Variants in KCNIP3 observed in about 807,000 individuals in gnomAD.
KCNIP3 encodes potassium voltage-gated channel interacting protein 3.
A neutral mutation model predicts 35.0 loss-of-function variants in KCNIP3; 28 were observed. The observed-to-expected ratio is 0.80, with a 90% CI of 0.59 to 1.10. The LOEUF is 1.10. Among genes scored for constraint, KCNIP3 ranks in the 50% least tolerant of loss-of-function variants. KCNIP3 has a pLI of 0.00. For missense variants in KCNIP3, 295 were observed against 338.4 expected (o/e 0.87, Z 1.01); for synonymous variants, 134 against 133.8 (o/e 1.00, Z -0.01).
chr2:95,350,352 C>T (rs1286133929), intron 2 of KCNIP3, among the ~76,000 whole-genome samples: 1 of 152,138 alleles, frequency 6.6e-6, no homozygotes, highest in African/African-American at 2.4e-5. Context: ...GGTTTGTCTC[C>T]CCCAGCTGCG....
chr2:95,309,709 C>A (rs1293202377), intron 1 of KCNIP3, among the ~76,000 whole-genome samples: 1 of 152,140 alleles, frequency 6.6e-6, no homozygotes, highest in African/African-American at 2.4e-5. Flanking sequence ...CAGGCGTGAA[C>A]CACCACGCCC....
chr2:95,383,206 C>T (rs1376055493), intron 7 of KCNIP3, 26 bp from the exon 8 acceptor site: 8 of 1,571,954 alleles, frequency 5.1e-6, no homozygotes, highest in South Asian at 1.1e-5. Flanking sequence ...GGCACAGACT[C>T]ACTTTGGGCA....
intron 2 of KCNIP3, among the ~76,000 whole-genome samples, chr2:95,358,564 A>AACAGAATACC (rs1679715317): frequency 6.6e-6 from 1 of 152,214 alleles, no homozygotes; most frequent in Non-Finnish European, 1.5e-5. Context: ...CTGCTGCTAT[A>AACAGAATACC]ACAGAATACC....
intron 2 of KCNIP3, among the ~76,000 whole-genome samples, chr2:95,339,409 G>A (rs1019769475): frequency 5.3e-5 from 8 of 151,890 alleles, no homozygotes; most frequent in East Asian, 1.9e-4. Context: ...GTGAAACCCC[G>A]TCTCTACCAA....
At chr2:95,345,497 A>C (rs1679327942) in intron 2 of KCNIP3, among the ~76,000 whole-genome samples, 1 of 152,250 alleles carries the variant, frequency 6.6e-6, no homozygotes, top group Non-Finnish European at 1.5e-5. Context: ...CATCAGCTGA[A>C]TGAATGGCCG....
intron 2 of KCNIP3, among the ~76,000 whole-genome samples, chr2:95,341,042 C>T (rs561235399): frequency 9.2e-5 from 14 of 152,272 alleles, no homozygotes; most frequent in South Asian, 2.1e-4. Flanking sequence ...TCTGATTCAA[C>T]GGTGGTATGG....
In KCNIP3 at chr2:95,378,807, T is replaced by TACACACAC. The variant is rs993627429; in HGVS notation, c.448-2781_448-2774dup. On this transcript the variant is annotated intron_variant, in intron 5 of 8. Coordinates refer to ENST00000295225, the MANE Select transcript of KCNIP3 (RefSeq NM_013434.5). The surrounding 1 kb of genome is among the most constrained non-coding windows in gnomAD (Gnocchi z 4.0). ...ACACACACACACACATATATATATA[T>TACACACAC]ACACACACACACACATATATACACA... Among the ~76,000 whole-genome samples, 1 of 149,868 alleles carries TACACACAC rather than the reference T, an allele frequency of 6.7e-6. No homozygotes were observed. Among genetic ancestry groups the TACACACAC allele is most frequent in the Non-Finnish European group, 1.5e-5 (1 of 67,456 alleles).
chr2:95,298,510 A>G (rs1284515542), intron 1 of KCNIP3, among the ~76,000 whole-genome samples: 1 of 152,138 alleles, frequency 6.6e-6, no homozygotes, highest in African/African-American at 2.4e-5. Context: ...AGGGTCTTGA[A>G]TGTAGGAAAG....
At chr2:95,317,157 C>T (rs928799542) in intron 2 of KCNIP3, among the ~76,000 whole-genome samples, 1 of 152,174 alleles carries the variant, frequency 6.6e-6, no homozygotes, top group African/African-American at 2.4e-5. Flanking sequence ...CTCAGGGCCC[C>T]TGGCCCTGAG....
At chr2:95,373,695 G>C (rs1165093315) in intron 2 of KCNIP3, among the ~76,000 whole-genome samples, 2 of 152,176 alleles carry the variant, frequency 1.3e-5, no homozygotes, top group Non-Finnish European at 2.9e-5. Context: ...TGGGATTACA[G>C]GTGTGAGTCA....
At chr2:95,319,012 G>A (rs1191817053) in intron 2 of KCNIP3, among the ~76,000 whole-genome samples, 1 of 152,214 alleles carries the variant, frequency 6.6e-6, no homozygotes. Context: ...CAGGGACCAG[G>A]GGCTCATCCC....
chr2:95,303,909 A>G (rs1210096417), intron 1 of KCNIP3, among the ~76,000 whole-genome samples: 1 of 152,230 alleles, frequency 6.6e-6, no homozygotes, highest in African/African-American at 2.4e-5. Context: ...TATTTTAACC[A>G]TATGTTTTAT....
At chr2:95,373,244 G>A (rs1680081206) in intron 2 of KCNIP3, among the ~76,000 whole-genome samples, 1 of 152,140 alleles carries the variant, frequency 6.6e-6, no homozygotes. Flanking sequence ...GCAAGGTGTG[G>A]GCACTCAGTG....
Position 95,383,212 on chromosome 2 carries a change from G to A in KCNIP3, c.661-20G>A, listed in dbSNP as rs1314878441. The A allele has an allele frequency of 2.0e-6, 3 of 1,470,802 alleles. No individual in the cohort carries two copies. Among genetic ancestry groups the A allele is most frequent in the Non-Finnish European group, 2.8e-6 (3 of 1,089,044 alleles). 91.1% of individuals were successfully genotyped at this position (1,470,802 alleles called of 1,614,324 possible). On this transcript the variant is annotated intron_variant, in intron 7 of 8. Coordinates refer to ENST00000295225, the MANE Select transcript of KCNIP3 (RefSeq NM_013434.5). ...CTCTGCTGGGGCACAGACTCACTTT[G>A]GGCATGGCTTGGGTTGCAGAAAATG... is the stretch of plus-strand genomic sequence containing the variant.
intron 2 of KCNIP3, among the ~76,000 whole-genome samples, chr2:95,357,255 C>T (rs908040139): frequency 3.3e-5 from 5 of 152,186 alleles, no homozygotes; most frequent in African/African-American, 9.7e-5. Context: ...GAGTCTTGCC[C>T]GAAAGGCCTC....
At chr2:95,345,730 C>G (rs993017845) in intron 2 of KCNIP3, among the ~76,000 whole-genome samples, 20 of 152,260 alleles carry the variant, frequency 1.3e-4, no homozygotes, top group African/African-American at 4.6e-4. Flanking sequence ...GGCCAGGCTC[C>G]CGGCTCAGGT....
chr2:95,363,777 A>G (rs1414589017), intron 2 of KCNIP3, among the ~76,000 whole-genome samples: 1 of 152,152 alleles, frequency 6.6e-6, no homozygotes, highest in Admixed American at 6.5e-5. Context: ...CTACTTAGAG[A>G]TACTCTTTAG....
intron 3 of KCNIP3, 78 bp downstream of exon 3, chr2:95,374,498 G>A: frequency 6.5e-7 from 1 of 1,540,932 alleles, no homozygotes; most frequent in Non-Finnish European, 8.8e-7. Flanking sequence ...CCATGCCACA[G>A]TAAATATCCC....
intron 3 of KCNIP3, among the ~76,000 whole-genome samples, 198 bp downstream of exon 3, chr2:95,374,618 G>A (rs1251344077): frequency 2.0e-5 from 3 of 152,158 alleles, no homozygotes; most frequent in African/African-American, 7.2e-5. Context: ...CTTTGCTGCT[G>A]GTACAGAGGA....
Sources: allele counts gnomAD v4.1 joint callset (sites outside exome capture counted in the v4.1 genomes callset), GRCh38; gene constraint gnomAD v4.1.1; non-coding constraint Gnocchi (gnomAD v3.1); transcripts MANE v1.5; gene names NCBI Gene and HGNC (gene_info 2026-07-23, HGNC 2026-07-21).